The following GPC5 variants were observed in gnomAD, a reference collection of about 807,000 sequenced individuals.
GPC5 encodes glypican 5.
Under a neutral mutation model 53.9 loss-of-function variants are expected in GPC5, and 47 were observed. The observed-to-expected ratio is 0.87, with a 90% confidence interval of 0.69 to 1.11. GPC5 has a LOEUF of 1.11. Ranked by LOEUF, GPC5 falls within the 50% of genes most tolerant of loss-of-function variation. The pLI is 0.00. For synonymous variants in GPC5, 286 were observed against 263.3 expected, an observed-to-expected ratio of 1.09 and a Z score of -0.84; for missense variants, 748 against 713.1, an observed-to-expected ratio of 1.05 and a Z score of -0.56.
At chr13:92,489,698 C>T (rs1398791687) in intron 7 of GPC5, among the ~76,000 whole-genome samples, 1 of 152,042 alleles carries the variant, frequency 6.6e-6, no homozygotes, top group African/African-American at 2.4e-5. Flanking sequence ...TCCACATTCC[C>T]TACAGTATGG....
chr13:91,868,734 T>G (rs929840218), intron 5 of GPC5, among the ~76,000 whole-genome samples: 1 of 152,046 alleles, frequency 6.6e-6, no homozygotes, highest in Non-Finnish European at 1.5e-5. Context: ...GAAGTTTAGC[T>G]GAAAAAGAAC....
At chr13:92,471,571 T>C (rs1878912791) in intron 7 of GPC5, among the ~76,000 whole-genome samples, 1 of 152,126 alleles carries the variant, frequency 6.6e-6, no homozygotes, top group Non-Finnish European at 1.5e-5. Flanking sequence ...AAAACTTAGT[T>C]AATTAGCTGG....
intron 4 of GPC5, among the ~76,000 whole-genome samples, chr13:91,751,580 C>A (rs2037177646): frequency 6.6e-6 from 1 of 152,180 alleles, no homozygotes; most frequent in Non-Finnish European, 1.5e-5. Context: ...GTTCTTAAAG[C>A]TTCAGCCTAG....
intron 2 of GPC5, among the ~76,000 whole-genome samples, chr13:91,567,265 T>C (rs983371361): frequency 3.3e-5 from 5 of 152,148 alleles, no homozygotes; most frequent in Non-Finnish European, 7.4e-5. Context: ...TGTATTTGTG[T>C]ATGTGTGCCT....
At chr13:92,197,668 T>A (rs1200447048) in intron 7 of GPC5, among the ~76,000 whole-genome samples, 30 of 151,798 alleles carry the variant, frequency 2.0e-4, no homozygotes, top group African/African-American at 7.2e-4. Context: ...TGGCTAATTT[T>A]TTTTTTTTTT....
intron 7 of GPC5, among the ~76,000 whole-genome samples, chr13:92,633,864 A>G (rs1885334929): frequency 6.6e-6 from 1 of 152,252 alleles, no homozygotes. Context: ...GTCTTCATAT[A>G]GCCATATATA....
chr13:91,480,124 A>C (rs1594143011), intron 2 of GPC5, among the ~76,000 whole-genome samples: 1 of 152,292 alleles, frequency 6.6e-6, no homozygotes, highest in East Asian at 1.9e-4. Context: ...AATCATTGGA[A>C]ATTTTTGAAT....
rs1566567446 is a variant in GPC5, at chr13:92,385,435, T to TACATATATACATATATAC, written c.1561+240448_1561+240465dup. On this transcript the variant is annotated intron_variant, in intron 7 of 7. Coordinates refer to ENST00000377067, the MANE Select transcript of GPC5 (RefSeq NM_004466.6). ...ACATATATATACATATATACATATA[T>TACATATATACATATATAC]ACATATATACATATATACATATATA... Among the ~76,000 whole-genome samples, 808 of 81,560 alleles carry TACATATATACATATATAC rather than the reference T, an allele frequency of 9.9e-3. 27 individuals carry two copies. Among genetic ancestry groups the TACATATATACATATATAC allele is most frequent in the African/African-American group, 0.035 (767 of 21,852 alleles). 53.5% of individuals were successfully genotyped at this position (81,560 alleles called of 152,430 possible). A position where few individuals can be genotyped will look rare whatever the true frequency, so the allele number is the denominator to read the frequency against.
chr13:91,923,067 G>T (rs900852721), intron 6 of GPC5, among the ~76,000 whole-genome samples: 2 of 152,072 alleles, frequency 1.3e-5, no homozygotes, highest in African/African-American at 2.4e-5. Flanking sequence ...AGTCCTCTCT[G>T]GGAATCTCTC....
chr13:92,826,687 G>T lies in GPC5; in HGVS notation c.1562-39595G>T. Among the ~76,000 whole-genome samples, 4 of 152,092 alleles carry T rather than the reference G, an allele frequency of 2.6e-5. No homozygotes were observed. The East Asian group carries it at 5.8e-4, about 22-fold the overall frequency. On this transcript the variant is annotated intron_variant, in intron 7 of 7. Transcript: ENST00000377067. ...CATGTATACTTAGTTTTACCATAAGGGTGTACAATTCCTAGATTCTAACAT... is the reference window on the plus strand; with the variant it reads ...CATGTATACTTAGTTTTACCATAAGTGTGTACAATTCCTAGATTCTAACAT...
At chr13:91,460,694 CATA>C (rs1486324151) in intron 2 of GPC5, among the ~76,000 whole-genome samples, 4 of 151,764 alleles carry the variant, frequency 2.6e-5, no homozygotes, top group African/African-American at 7.3e-5. Context: ...TATAAAATGG[CATA>C]ATAACTTATT....
At chr13:91,554,078 C>CT (rs2030803169) in intron 2 of GPC5, among the ~76,000 whole-genome samples, 1 of 151,998 alleles carries the variant, frequency 6.6e-6, no homozygotes, top group Non-Finnish European at 1.5e-5. Flanking sequence ...TTTACCACCA[C>CT]TTTTTATCTA....
chr13:92,187,467 G>A (rs753749355), intron 7 of GPC5, among the ~76,000 whole-genome samples: 2 of 152,178 alleles, frequency 1.3e-5, no homozygotes, highest in Non-Finnish European at 2.9e-5. Flanking sequence ...ATGATAGGGT[G>A]AATGAAGTCA....
intron 7 of GPC5, among the ~76,000 whole-genome samples, chr13:92,414,067 A>T (rs1489146832): frequency 1.3e-5 from 2 of 152,194 alleles, no homozygotes; most frequent in Non-Finnish European, 2.9e-5. Context: ...TAATTCAAAA[A>T]TATTTCTTGA....
chr13:92,455,897 C>CT (rs1451908010), intron 7 of GPC5, among the ~76,000 whole-genome samples: 1 of 152,132 alleles, frequency 6.6e-6, no homozygotes, highest in East Asian at 1.9e-4. Context: ...AAACGTGTCT[C>CT]TTTTTGGAGG....
At chr13:92,629,730 A>T (rs1211080191) in intron 7 of GPC5, among the ~76,000 whole-genome samples, 2 of 152,174 alleles carry the variant, frequency 1.3e-5, no homozygotes, top group Non-Finnish European at 2.9e-5. Flanking sequence ...GAGCCATTAG[A>T]TAAATGACTC....
chr13:91,413,526 A>G (rs766930115), intron 1 of GPC5, among the ~76,000 whole-genome samples: 4 of 152,256 alleles, frequency 2.6e-5, no homozygotes, highest in Non-Finnish European at 4.4e-5. Flanking sequence ...CTTAAAAAAG[A>G]TATTTAAAAA....
At chr13:92,179,257 A>G (rs1332041616) in intron 7 of GPC5, among the ~76,000 whole-genome samples, 1 of 152,204 alleles carries the variant, frequency 6.6e-6, no homozygotes. Context: ...AATTAAAAGG[A>G]AAAAAATAAA....
At chr13:92,128,771 TG>T (rs962178554) in intron 6 of GPC5, among the ~76,000 whole-genome samples, 6 of 152,154 alleles carry the variant, frequency 3.9e-5, no homozygotes, top group African/African-American at 1.2e-4. Flanking sequence ...GAGACTATCC[TG>T]GCCAACATGG....
Sources: allele counts gnomAD v4.1 joint callset (sites outside exome capture counted in the v4.1 genomes callset), GRCh38; gene constraint gnomAD v4.1.1; transcripts MANE v1.5; gene names NCBI Gene and HGNC (gene_info 2026-07-23, HGNC 2026-07-21).